DLGAP1: variants seen among roughly 807,000 people sequenced by gnomAD.
DLGAP1 encodes the protein disks large-associated protein 1.
DLGAP1 carries 11 observed loss-of-function variants against 90.8 expected under a neutral mutation model. That is an observed-to-expected ratio of 0.12 (90% CI 0.08 to 0.20). The LOEUF (loss-of-function observed/expected upper bound fraction) is 0.20. Ranked by LOEUF, DLGAP1 falls within the 10% of genes least tolerant of loss-of-function variation. The pLI is 1.00. For synonymous variants in DLGAP1, 558 were observed against 540.7 expected (o/e 1.03, Z -0.44); for missense variants, 1,050 against 1,333.8 (o/e 0.79, Z 3.31).
intron 5 of DLGAP1, among the ~76,000 whole-genome samples, chr18:3,768,790 C>T (rs1380174608): frequency 6.6e-6 from 1 of 152,100 alleles, no homozygotes; most frequent in Admixed American, 6.5e-5. Flanking sequence ...TGATCAAGGG[C>T]TTAAATGTAA....
intron 1 of DLGAP1, among the ~76,000 whole-genome samples, chr18:4,201,764 T>C (rs9955794): frequency 0.086 from 12,995 of 151,982 alleles, 1,601 homozygotes; most frequent in African/African-American, 0.27. Flanking sequence ...CAAATTAAAG[T>C]CACAATGAGA....
intron 3 of DLGAP1, among the ~76,000 whole-genome samples, chr18:4,002,468 T>C (rs556520049): frequency 6.3e-5 from 3 of 47,998 alleles, no homozygotes; most frequent in Non-Finnish European, 1.7e-4. Flanking sequence ...CGTGAGGATA[T>C]GGATAAAGAC....
intron 1 of DLGAP1, among the ~76,000 whole-genome samples, chr18:4,349,568 A>G (rs540837905): frequency 6.6e-6 from 1 of 152,294 alleles, no homozygotes; most frequent in East Asian, 1.9e-4. Context: ...AAACTATGGT[A>G]TATTTACAAA....
chr18:4,192,983 C>G (rs920873924), intron 1 of DLGAP1, among the ~76,000 whole-genome samples: 1 of 152,198 alleles, frequency 6.6e-6, no homozygotes, highest in African/African-American at 2.4e-5. Flanking sequence ...AAGGGTATTG[C>G]AAAACTACAT....
chr18:4,084,040 T>C lies in DLGAP1; in HGVS notation c.-159+67140A>G, dbSNP rs1194503801. 1.3e-5 allele frequency among the ~76,000 whole-genome samples: 2 copies of C among 152,018 alleles called. No individual in the cohort carries two copies. Among genetic ancestry groups the C allele is most frequent in the East Asian group, 3.9e-4 (2 of 5,174 alleles). The stretch of plus-strand genomic sequence containing the variant: ...GAGTGGTGGAAGTAGCTCCAGAAGA[T>C]GGATGGGAGCCAGAAGCGGGATGGA... On this transcript the variant is annotated intron_variant, in intron 2 of 12. Transcript: ENST00000315677. This position sits in a 1 kb window ranked among gnomAD's most constrained non-coding sequence, Gnocchi z 4.0.
chr18:4,255,007 G>A (rs2078859523), intron 1 of DLGAP1, among the ~76,000 whole-genome samples: 1 of 152,236 alleles, frequency 6.6e-6, no homozygotes, highest in Non-Finnish European at 1.5e-5. Flanking sequence ...ATAAAGGAAT[G>A]CACAGAATTA....
intron 1 of DLGAP1, among the ~76,000 whole-genome samples, chr18:4,168,084 C>T (rs2076959949): frequency 6.6e-6 from 1 of 152,084 alleles, no homozygotes. Context: ...CATGGAGAAG[C>T]TTTTAAAAAA....
At chr18:4,090,129 CA>C (rs1425034459) in intron 2 of DLGAP1, among the ~76,000 whole-genome samples, 1 of 152,010 alleles carries the variant, frequency 6.6e-6, no homozygotes, top group Non-Finnish European at 1.5e-5. Flanking sequence ...ATGTAAATCC[CA>C]AACTATAAAA....
At chr18:4,004,957 G>A (rs562052489) in intron 3 of DLGAP1, 159 bp downstream of exon 3, 109 of 151,354 alleles carry the variant, frequency 7.2e-4, no homozygotes, top group African/African-American at 2.6e-3. Context: ...CGTGTGTTAG[G>A]TGGAAAGGTG....
At chr18:4,381,416 T>G (rs143615346) in intron 1 of DLGAP1, among the ~76,000 whole-genome samples, 1 of 152,188 alleles carries the variant, frequency 6.6e-6, no homozygotes, top group Non-Finnish European at 1.5e-5. Flanking sequence ...AGGTAATAAC[T>G]GATGAATCTT....
At chr18:4,058,228 A>G (rs1300971487) in intron 2 of DLGAP1, among the ~76,000 whole-genome samples, 1 of 152,206 alleles carries the variant, frequency 6.6e-6, no homozygotes, top group Non-Finnish European at 1.5e-5. Flanking sequence ...CACATTGGGA[A>G]CAAATCTGTC....
chr18:3,565,978 G>A lies in DLGAP1; in HGVS notation c.2057+1512C>T, dbSNP rs2054405953. 6.6e-6 allele frequency among the ~76,000 whole-genome samples: 1 copy of A among 152,068 alleles called. No individual in the cohort carries two copies. On this transcript the variant is annotated intron_variant, in intron 9 of 12. Coordinates refer to ENST00000315677, the MANE Select transcript of DLGAP1 (RefSeq NM_004746.4). The surrounding 1 kb of genome is among the most constrained non-coding windows in gnomAD (Gnocchi z 4.0). ...GTCCATCTGCATGAACACTATGCGT[G>A]GATATTATATATTAAAGTTTTTCAC...
intron 3 of DLGAP1, among the ~76,000 whole-genome samples, chr18:3,993,860 A>T (rs1177065130): frequency 6.6e-6 from 1 of 152,016 alleles, no homozygotes; most frequent in African/African-American, 2.4e-5. Context: ...TCATAGCGAG[A>T]TGTTGAGAAG....
chr18:3,498,970 C>G lies in DLGAP1; in HGVS notation c.*215G>C. The G allele has an allele frequency of 2.3e-5, 13 of 559,030 alleles. No individual in the cohort carries two copies. In the South Asian group the frequency reaches 2.8e-4, roughly 12 times the overall value. The allele number at this position is 559,030 out of a possible 1,614,324, so 34.6% of individuals were successfully genotyped here. On this transcript the variant is annotated 3_prime_UTR_variant, in exon 13 of 13. Transcript: ENST00000315677. ...GACGGCATCAGGACAGGGGGCGAAG[C>G]TCGGTGAAGAAGGAGATGGGCAAAC...
intron 10 of DLGAP1, among the ~76,000 whole-genome samples, chr18:3,510,419 G>T (rs16944952): frequency 6.6e-6 from 1 of 152,276 alleles, no homozygotes; most frequent in African/African-American, 2.4e-5. Context: ...AGCCACACTT[G>T]CCCTGGCTAG....
chr18:3,936,209 A>T (rs1037993562), intron 3 of DLGAP1, among the ~76,000 whole-genome samples: 5 of 152,164 alleles, frequency 3.3e-5, no homozygotes, highest in African/African-American at 1.2e-4. Flanking sequence ...ACACAATCTC[A>T]TACTGATGTG....
At chr18:4,306,925 A>G (rs2080276597) in intron 1 of DLGAP1, among the ~76,000 whole-genome samples, 2 of 150,130 alleles carry the variant, frequency 1.3e-5, no homozygotes, top group Non-Finnish European at 3.0e-5. Context: ...CAGAGAATCA[A>G]TGAGCTTTTG....
chr18:3,652,772 T>G (rs1054724781), intron 7 of DLGAP1, among the ~76,000 whole-genome samples: 2 of 152,258 alleles, frequency 1.3e-5, no homozygotes, highest in Non-Finnish European at 2.9e-5. Flanking sequence ...TTTTGGTGTT[T>G]TAGATTCTCA....
chr18:4,408,093 A>C (rs1010590379), intron 1 of DLGAP1, among the ~76,000 whole-genome samples: 1 of 152,040 alleles, frequency 6.6e-6, no homozygotes, highest in African/African-American at 2.4e-5. Flanking sequence ...AGATACTTTG[A>C]GGTGGTAGAA....
Sources: allele counts gnomAD v4.1 joint callset (sites outside exome capture counted in the v4.1 genomes callset), GRCh38; gene constraint gnomAD v4.1.1; non-coding constraint Gnocchi (gnomAD v3.1); transcripts MANE v1.5; gene names NCBI Gene and HGNC (gene_info 2026-07-23, HGNC 2026-07-21).